DLGAP2: variants seen among roughly 807,000 people sequenced by gnomAD.
DLGAP2 encodes the protein DLG associated protein 2, also known as disks large-associated protein 2.
DLGAP2 carries 26 observed loss-of-function variants against 100.3 expected under a neutral mutation model. The ratio of observed to expected loss-of-function variants is 0.26; its 90% confidence interval spans 0.19 to 0.36. DLGAP2 has a LOEUF of 0.36. Ranked by LOEUF, DLGAP2 falls within the 10% of genes least tolerant of loss-of-function variation. The pLI, the probability that DLGAP2 is intolerant of heterozygous loss-of-function variation, is 1.00. For synonymous variants in DLGAP2, 886 were observed against 630.1 expected (o/e 1.41, Z -6.08); for missense variants, 1,858 against 1,453.2 (o/e 1.28, Z -4.53).
At chr8:976,698 C>T (rs911306773) in intron 2 of DLGAP2, among the ~76,000 whole-genome samples, 2 of 152,130 alleles carry the variant, frequency 1.3e-5, no homozygotes, top group Non-Finnish European at 2.9e-5. Flanking sequence ...GAAAAGATGG[C>T]TTTTTCAAAA....
At chr8:1,200,513 T>C (rs1797847665) in intron 2 of DLGAP2, among the ~76,000 whole-genome samples, 2 of 152,204 alleles carry the variant, frequency 1.3e-5, no homozygotes, top group African/African-American at 4.8e-5. Context: ...CTGAAGGGCC[T>C]GGATGCTGAT....
At chr8:1,640,360 C>T (rs541454954) in intron 8 of DLGAP2, among the ~76,000 whole-genome samples, 33 of 139,504 alleles carry the variant, frequency 2.4e-4, no homozygotes, top group Non-Finnish European at 5.0e-4. Flanking sequence ...TCCCATGGGT[C>T]CTCAGTGTCA....
At chr8:1,576,270 T>G (rs1360273111) in intron 6 of DLGAP2, among the ~76,000 whole-genome samples, 3 of 152,256 alleles carry the variant, frequency 2.0e-5, no homozygotes, top group Non-Finnish European at 4.4e-5. Flanking sequence ...TGTCTTCTTT[T>G]GAGAAGTGTC....
intron 1 of DLGAP2, among the ~76,000 whole-genome samples, chr8:860,367 T>A (rs945071922): frequency 2.0e-5 from 3 of 152,374 alleles, no homozygotes; most frequent in Non-Finnish European, 4.4e-5. Flanking sequence ...CTGACCTGTT[T>A]GCTGCGGCTG....
intron 2 of DLGAP2, among the ~76,000 whole-genome samples, chr8:1,209,407 A>T (rs1798059682): frequency 6.6e-6 from 1 of 152,198 alleles, no homozygotes; most frequent in East Asian, 1.9e-4. Context: ...TACATTTTAA[A>T]TTCCAAAAAG....
intron 6 of DLGAP2, among the ~76,000 whole-genome samples, chr8:1,586,043 G>C (rs529676295): frequency 6.6e-6 from 1 of 152,156 alleles, no homozygotes; most frequent in Admixed American, 6.6e-5. Flanking sequence ...TTAGTTTTCC[G>C]TTGCTGTCAT....
chr8:1,047,342 C>T (rs187321754), intron 2 of DLGAP2, among the ~76,000 whole-genome samples: 16 of 152,258 alleles, frequency 1.1e-4, no homozygotes, highest in South Asian at 4.1e-4. Context: ...TTTTGGGAAA[C>T]GAAGTCTTTC....
chr8:1,081,685 T>C (rs1803817053), intron 2 of DLGAP2, among the ~76,000 whole-genome samples: 1 of 152,214 alleles, frequency 6.6e-6, no homozygotes, highest in South Asian at 2.1e-4. Context: ...TGTGTTCCTT[T>C]TCTTATTAAT....
intron 2 of DLGAP2, among the ~76,000 whole-genome samples, chr8:947,232 C>T (rs1799349388): frequency 6.6e-6 from 1 of 152,154 alleles, no homozygotes; most frequent in East Asian, 1.9e-4. Flanking sequence ...CAGGGCTGCC[C>T]CACACTCTCT....
At chr8:797,479 T>C (rs1796060069) in intron 1 of DLGAP2, among the ~76,000 whole-genome samples, 1 of 152,158 alleles carries the variant, frequency 6.6e-6, no homozygotes, top group Non-Finnish European at 1.5e-5. Context: ...TGTTGGGAAT[T>C]TGAGGCTGTT....
intron 1 of DLGAP2, among the ~76,000 whole-genome samples, chr8:901,417 AG>A (rs1282677895): frequency 4.6e-5 from 7 of 152,258 alleles, no homozygotes; most frequent in Non-Finnish European, 1.0e-4. Context: ...ATTGATAAAA[AG>A]TAAAGTGTTT....
chr8:1,128,361 C>T (rs1796217507), intron 2 of DLGAP2, among the ~76,000 whole-genome samples: 2 of 152,152 alleles, frequency 1.3e-5, no homozygotes, highest in African/African-American at 2.4e-5. Context: ...GGACCTGCTC[C>T]CGGTGTTGTG....
chr8:1,566,681 A>G (rs967962463), intron 6 of DLGAP2, among the ~76,000 whole-genome samples: 1 of 152,220 alleles, frequency 6.6e-6, no homozygotes, highest in African/African-American at 2.4e-5. Context: ...CACACATCAG[A>G]CAGGGAGCCC....
chr8:1,116,683 C>G (rs925398858), intron 2 of DLGAP2, among the ~76,000 whole-genome samples: 4 of 152,136 alleles, frequency 2.6e-5, no homozygotes, highest in African/African-American at 9.7e-5. Flanking sequence ...GTAGTCCCAG[C>G]TAACTCAGGA....
intron 1 of DLGAP2, among the ~76,000 whole-genome samples, chr8:867,110 C>T (rs547660087): frequency 1.4e-3 from 211 of 152,328 alleles, no homozygotes; most frequent in African/African-American, 4.5e-3. Context: ...GCCTACCGGC[C>T]GTCACCGTGG....
At chr8:987,497 C>A (rs1337656971) in intron 2 of DLGAP2, among the ~76,000 whole-genome samples, 1 of 152,136 alleles carries the variant, frequency 6.6e-6, no homozygotes, top group African/African-American at 2.4e-5. Context: ...ACAGTTCTGC[C>A]GGACGCCCCC....
chr8:845,686 C>T lies in DLGAP2; in HGVS notation c.19-62226C>T, dbSNP rs191906507. Among the ~76,000 whole-genome samples the T allele has an allele frequency of 3.2e-3, 494 of 152,218 alleles. 2 individuals carry two copies. The highest frequency in any genetic ancestry group is 0.011 in the African/African-American group (475 of 41,536). On this transcript the variant is annotated intron_variant, in intron 1 of 14. Transcript: ENST00000637795. ...AATTTTGATGATATCCAGTTTATTT[C>T]TTTTTTTGCTGCTTGTGCTTTTGAT...
intron 2 of DLGAP2, among the ~76,000 whole-genome samples, chr8:1,083,697 G>A (rs1477053309): frequency 6.6e-6 from 1 of 152,164 alleles, no homozygotes; most frequent in Non-Finnish European, 1.5e-5. Context: ...ATGGCACACG[G>A]TTCCAAAGTA....
At chr8:919,545 T>C (rs1254603848) in intron 2 of DLGAP2, among the ~76,000 whole-genome samples, 2 of 152,246 alleles carry the variant, frequency 1.3e-5, no homozygotes, top group East Asian at 3.9e-4. Context: ...CCAGTTAACA[T>C]CAGGTTGGCC....
Sources: gnomAD v4.1 joint callset for allele counts (sites outside exome capture counted in the v4.1 genomes callset) on GRCh38, gnomAD v4.1.1 for gene constraint, MANE v1.5 for transcripts, NCBI Gene and HGNC (gene_info 2026-07-23, HGNC 2026-07-21) for gene names.